Variants in PEDS1 observed in about 807,000 individuals in gnomAD.
PEDS1 encodes the protein plasmanylethanolamine desaturase 1, also known as CarF homolog.
Under a neutral mutation model 35.2 loss-of-function variants are expected in PEDS1, and 14 were observed. That is an observed-to-expected ratio of 0.40 (90% confidence interval 0.26 to 0.62). The LOEUF is 0.62. PEDS1 is among the 20% of genes least tolerant of loss of function. The pLI is 0.44. For synonymous variants in PEDS1, 152 were observed against 152.0 expected, an observed-to-expected ratio of 1.00 and a Z score of 0.00; for missense variants, 260 against 367.8, an observed-to-expected ratio of 0.71 and a Z score of 2.40.
chr20:50,135,672 A>AC (rs1937485845), intron 2 of PEDS1, among the ~76,000 whole-genome samples: 1 of 151,158 alleles, frequency 6.6e-6, no homozygotes, highest in African/African-American at 2.4e-5. Flanking sequence ...AAAAAAAAAA[A>AC]AAAAAAAAAA....
chr20:50,137,793 C>T lies in PEDS1; in HGVS notation c.241+5709G>A, dbSNP rs144068653. On this transcript the variant is annotated intron_variant, in intron 2 of 5. Coordinates refer to ENST00000371652, the MANE Select transcript of PEDS1 (RefSeq NM_199129.4). ...GGCTGAGGCAGAAGAATCGCTTGAA[C>T]CTGGGAGGCGGAGGTTGCAGTGGGC... 1.1e-4 allele frequency among the ~76,000 whole-genome samples: 17 copies of T among 152,326 alleles called. No homozygotes were observed. In the Middle Eastern group the frequency reaches 0.014, roughly 122 times the overall value.
chr20:50,141,819 G>A (rs1022886302), intron 2 of PEDS1, among the ~76,000 whole-genome samples: 2 of 152,142 alleles, frequency 1.3e-5, no homozygotes, highest in African/African-American at 4.8e-5. Context: ...CAGCTGGTCC[G>A]GCCCCCGTCC....
chr20:50,149,758 G>A (rs60764393), intron 1 of PEDS1, among the ~76,000 whole-genome samples: 10,392 of 152,112 alleles, frequency 0.068, 1,140 homozygotes, highest in African/African-American at 0.24. Flanking sequence ...CTGATGATCC[G>A]GAATACTCGC....
rs1029885755 is a variant in PEDS1, at chr20:50,131,204, C to G, written c.242-257G>C. Reference sequence around the variant, plus strand: ...GAGCATAAACTGGGCATGCTCAGATCAGCTCAACCTTTCCCTATTAGGAGC... The same window carrying G: ...GAGCATAAACTGGGCATGCTCAGATGAGCTCAACCTTTCCCTATTAGGAGC... On this transcript the variant is annotated intron_variant, in intron 2 of 5. Coordinates refer to ENST00000371652, the MANE Select transcript of PEDS1 (RefSeq NM_199129.4). The G allele has an allele frequency of 6.4e-6, 5 of 776,338 alleles. No individual in the cohort carries two copies. The African/African-American group carries it at 8.6e-5, about 13-fold the overall frequency. 48.1% of individuals were successfully genotyped at this position (776,338 alleles called of 1,614,324 possible). A position where few individuals can be genotyped will look rare whatever the true frequency, so the allele number is the denominator to read the frequency against.
chr20:50,123,199 T>C lies in PEDS1; in HGVS notation c.*1859A>G, dbSNP rs1270255592. 1 of 152,142 alleles carries C rather than the reference T, an allele frequency of 6.6e-6. No homozygotes were observed. The highest frequency in any genetic ancestry group is 1.5e-5 in the Non-Finnish European group (1 of 68,032). The allele number at this position is 152,142 out of a possible 1,614,324, so 9.4% of individuals were successfully genotyped here. ...CATGTTTTCCCAACCTTGTCTTCCATTTTTCCTTAGCTCACTCTAGTCCAG... is the reference window on the plus strand; with the variant it reads ...CATGTTTTCCCAACCTTGTCTTCCACTTTTCCTTAGCTCACTCTAGTCCAG... On this transcript the variant is annotated 3_prime_UTR_variant, in exon 6 of 6. Transcript: ENST00000371652.
chr20:50,146,906 A>G (rs757157142), intron 1 of PEDS1, among the ~76,000 whole-genome samples: 6 of 152,166 alleles, frequency 3.9e-5, no homozygotes, highest in Non-Finnish European at 5.9e-5. Context: ...GATCACCATG[A>G]TCAGGCCCAG....
chr20:50,126,050 T>C (rs566508481), intron 5 of PEDS1, among the ~76,000 whole-genome samples: 1 of 152,164 alleles, frequency 6.6e-6, no homozygotes, highest in Non-Finnish European at 1.5e-5. Flanking sequence ...TTTATAGCCT[T>C]TATGATAACC....
chr20:50,138,005 A>G (rs2081254186), intron 2 of PEDS1, among the ~76,000 whole-genome samples: 1 of 152,244 alleles, frequency 6.6e-6, no homozygotes, highest in African/African-American at 2.4e-5. Context: ...TGAATAAGCC[A>G]TGGACTCCAG....
chr20:50,129,598 C>T lies in PEDS1; in HGVS notation c.426G>A (p.Val142=). The T allele has an allele frequency of 6.2e-7, 1 of 1,614,082 alleles. No homozygotes were observed. The highest frequency in any genetic ancestry group is 1.1e-5 in the South Asian group (1 of 91,062). The stretch of plus-strand genomic sequence containing the variant: ...CCATGTTTAGCAGCGGCAGCAGTGT[C>T]ACCAGGCAGTTGTCCCCGTTGGTCT... The part of the protein sequence containing the change: ...FIETNGDNCL[V]TLLPLLNMAY... The change falls in exon 4 of 6, where the codon GTG becomes GTA. Residue 142 remains valine, a synonymous_variant. Transcript: ENST00000371652. This position sits in a 1 kb window ranked among gnomAD's most constrained non-coding sequence, Gnocchi z 4.2.
chr20:50,129,523 C>T lies in PEDS1; in HGVS notation c.478+23G>A. The T allele has an allele frequency of 1.2e-6, 2 of 1,613,812 alleles. No individual in the cohort carries two copies. The highest frequency in any genetic ancestry group is 1.7e-6 in the Non-Finnish European group (2 of 1,179,818). On this transcript the variant is annotated intron_variant, in intron 4 of 5. Coordinates refer to ENST00000371652, the MANE Select transcript of PEDS1 (RefSeq NM_199129.4). This position sits in a 1 kb window ranked among gnomAD's most constrained non-coding sequence, Gnocchi z 4.2. ...TCTGCCCCCAAGGCCCCCTCCCAGCCCACCACTAGCTGGGTGTCTCACCAG... is the reference window on the plus strand; with the variant it reads ...TCTGCCCCCAAGGCCCCCTCCCAGCTCACCACTAGCTGGGTGTCTCACCAG...
At chr20:50,136,053 C>T (rs866421180) in intron 2 of PEDS1, among the ~76,000 whole-genome samples, 3 of 152,080 alleles carry the variant, frequency 2.0e-5, no homozygotes, top group African/African-American at 7.3e-5. Flanking sequence ...TATGTGTAGA[C>T]ATCCACCCTC....
chr20:50,146,981 C>G (rs975517136), intron 1 of PEDS1, among the ~76,000 whole-genome samples: 1 of 152,098 alleles, frequency 6.6e-6, no homozygotes, highest in Non-Finnish European at 1.5e-5. Flanking sequence ...CAGAAAACCC[C>G]GAGTGGGTGG....
In PEDS1 at chr20:50,121,041, A is replaced by T. The variant is rs1445957964; in HGVS notation, c.*4017T>A. 1 of 152,304 alleles carries T rather than the reference A, an allele frequency of 6.6e-6. No homozygotes were observed. Among genetic ancestry groups the T allele is most frequent in the African/African-American group, 2.4e-5 (1 of 41,400 alleles). The allele number at this position is 152,304 out of a possible 1,614,324, so 9.4% of individuals were successfully genotyped here. ...CAGACAGCAGCACATGCCTACCTGA[A>T]ACCAAGCCATCCCACAGCAGCTGGG... On this transcript the variant is annotated 3_prime_UTR_variant, in exon 6 of 6. Transcript: ENST00000371652.
chr20:50,148,196 A>G (rs1430178180), intron 1 of PEDS1, among the ~76,000 whole-genome samples: 1 of 152,236 alleles, frequency 6.6e-6, no homozygotes, highest in South Asian at 2.1e-4. Context: ...TCCTGGAGCT[A>G]GGGACCCTCT....
chr20:50,149,046 T>C (rs2081374908), intron 1 of PEDS1, among the ~76,000 whole-genome samples: 3 of 152,078 alleles, frequency 2.0e-5, no homozygotes, highest in African/African-American at 4.8e-5. Flanking sequence ...TCAGAAGTTT[T>C]GGGTTGCAGT....
chr20:50,149,574 G>C (rs1020035903), intron 1 of PEDS1, among the ~76,000 whole-genome samples: 5 of 152,116 alleles, frequency 3.3e-5, no homozygotes, highest in African/African-American at 7.2e-5. Flanking sequence ...GGTCCTGCAG[G>C]ACCAGGGCTC....
At chr20:50,147,839 G>A (rs1035496181) in intron 1 of PEDS1, among the ~76,000 whole-genome samples, 4 of 152,194 alleles carry the variant, frequency 2.6e-5, no homozygotes, top group African/African-American at 7.2e-5. Flanking sequence ...CAGATCACGA[G>A]GTCAAGAGTT....
chr20:50,132,907 T>C (rs577615625), intron 2 of PEDS1, among the ~76,000 whole-genome samples: 2 of 152,214 alleles, frequency 1.3e-5, no homozygotes, highest in South Asian at 2.1e-4. Flanking sequence ...CACATGTCTA[T>C]GGGGAAACGC....
chr20:50,128,271 T>C lies in PEDS1; in HGVS notation c.479-84A>G. On this transcript the variant is annotated intron_variant, in intron 4 of 5. Transcript: ENST00000371652. This position sits in a 1 kb window ranked among gnomAD's most constrained non-coding sequence, Gnocchi z 5.2. ...CCAAATGGCCCTCACCACCTGCTCCTGGGCGGCTCCTGAGCTGGGCAAGCA... is the reference window on the plus strand; with the variant it reads ...CCAAATGGCCCTCACCACCTGCTCCCGGGCGGCTCCTGAGCTGGGCAAGCA... The C allele has an allele frequency of 6.5e-7, 1 of 1,528,468 alleles. No individual in the cohort carries two copies. The highest frequency in any genetic ancestry group is 1.4e-5 in the African/African-American group (1 of 73,194). The allele number at this position is 1,528,468 out of a possible 1,614,324, so 94.7% of individuals were successfully genotyped here.
Sources: allele counts gnomAD v4.1 joint callset (sites outside exome capture counted in the v4.1 genomes callset), GRCh38; gene constraint gnomAD v4.1.1; non-coding constraint Gnocchi (gnomAD v3.1); transcripts MANE v1.5; gene names NCBI Gene and HGNC (gene_info 2026-07-23, HGNC 2026-07-21).